Variants in TENM2 observed in about 807,000 individuals in gnomAD.
TENM2 encodes teneurin-2.
Under a neutral mutation model 245.2 loss-of-function variants are expected in TENM2, and 52 were observed. The observed-to-expected ratio is 0.21, with a 90% CI of 0.17 to 0.27. The LOEUF (loss-of-function observed/expected upper bound fraction) is 0.27. Ranked by LOEUF, TENM2 falls within the 10% of genes least tolerant of loss-of-function variation. The probability of loss-of-function intolerance (pLI) is 1.00; values close to 1 mark genes in which losing one functional copy is unlikely to be tolerated. For synonymous variants in TENM2, 1,363 were observed against 1,438.9 expected, an observed-to-expected ratio of 0.95 and a Z score of 1.19; for missense variants, 3,046 against 3,666.8, an observed-to-expected ratio of 0.83 and a Z score of 4.37.
Position 168,247,901 on chromosome 5 carries a change from A to G in TENM2, c.6962A>G (p.Tyr2321Cys), listed in dbSNP as rs766520823. Reference sequence around the variant, plus strand: ...ACCAACCTGGGCCACCACCTGCAGTACTTCTACTCTGACCTCCACAACCCG... The same window carrying G: ...ACCAACCTGGGCCACCACCTGCAGTGCTTCTACTCTGACCTCCACAACCCG... Residue 2321 changes from tyrosine to cysteine, a missense_variant, in exon 27 of 29, where the codon TAC (tyrosine) becomes TGC (cysteine). Transcript: ENST00000518659. This position sits in a 1 kb window ranked among gnomAD's most constrained non-coding sequence, Gnocchi z 7.8. 2 of 1,613,928 alleles carry G rather than the reference A, an allele frequency of 1.2e-6. No individual in the cohort carries two copies. Among genetic ancestry groups the G allele is most frequent in the South Asian group, 1.1e-5 (1 of 91,068 alleles).
chr5:168,243,937 G>GTTTT lies in TENM2; in HGVS notation c.5521-466_5521-463dup, dbSNP rs1170318631. 8.8e-5 allele frequency among the ~76,000 whole-genome samples: 11 copies of GTTTT among 125,512 alleles called. 1 individual carries two copies. Among genetic ancestry groups the GTTTT allele is most frequent in the African/African-American group, 1.5e-4 (5 of 33,948 alleles). 82.3% of individuals were successfully genotyped at this position (125,512 alleles called of 152,430 possible). A position where few individuals can be genotyped will look rare whatever the true frequency, so the allele number is the denominator to read the frequency against. On this transcript the variant is annotated intron_variant, in intron 25 of 28. Transcript: ENST00000518659. Reference sequence around the variant, plus strand: ...AAATACTACCATTTTCTTTTCTTTGGTTTTTTTTTTTTTTTTTTTTAAGAT... The same window carrying GTTTT: ...AAATACTACCATTTTCTTTTCTTTGGTTTTTTTTTTTTTTTTTTTTTTTTAAGAT...
chr5:168,014,655 G>T (rs954647098), intron 5 of TENM2, among the ~76,000 whole-genome samples: 7 of 152,176 alleles, frequency 4.6e-5, no homozygotes, highest in Non-Finnish European at 8.8e-5. Flanking sequence ...GGCCATCTGT[G>T]CAAAGTATTT....
intron 2 of TENM2, among the ~76,000 whole-genome samples, chr5:167,841,667 G>A (rs560460588): frequency 4.6e-5 from 7 of 152,192 alleles, no homozygotes; most frequent in South Asian, 2.1e-4. Context: ...GAAATTTAGC[G>A]CTGATATCCT....
chr5:167,662,217 A>G (rs1412289582), intron 2 of TENM2, among the ~76,000 whole-genome samples: 1 of 152,170 alleles, frequency 6.6e-6, no homozygotes, highest in Admixed American at 6.5e-5. Context: ...AAGGTAAACA[A>G]AAAGAGGAGA....
chr5:168,068,029 A>C (rs1790656977), intron 7 of TENM2, among the ~76,000 whole-genome samples: 2 of 152,114 alleles, frequency 1.3e-5, no homozygotes, highest in African/African-American at 4.8e-5. Flanking sequence ...AACTGGACTG[A>C]AAGTGCTTTT....
chr5:167,982,322 C>T (rs186262996), intron 4 of TENM2, among the ~76,000 whole-genome samples: 2 of 152,258 alleles, frequency 1.3e-5, no homozygotes, highest in Admixed American at 6.5e-5. Flanking sequence ...TTGGAAATTT[C>T]CTATGAGGAT....
At chr5:167,224,096 C>G in the TENM2 span, among the ~76,000 whole-genome samples, 1 of 151,976 alleles carries the variant, frequency 6.6e-6, no homozygotes, top group Non-Finnish European at 1.5e-5. Flanking sequence ...TATTCATTCC[C>G]TGTTGGATGA....
the TENM2 span, among the ~76,000 whole-genome samples, chr5:167,217,802 C>T: frequency 2.0e-5 from 3 of 150,270 alleles, no homozygotes; most frequent in Non-Finnish European, 4.4e-5. Flanking sequence ...AGAAGGTGGA[C>T]GAGCAGGTTT....
At chr5:168,024,040 G>A (rs1356230483) in intron 5 of TENM2, among the ~76,000 whole-genome samples, 1 of 152,172 alleles carries the variant, frequency 6.6e-6, no homozygotes, top group African/African-American at 2.4e-5. Context: ...GATGGATAGA[G>A]AGATGAATAG....
At chr5:167,653,275 A>C (rs1219118732) in intron 2 of TENM2, 1 of 152,108 alleles carries the variant, frequency 6.6e-6, no homozygotes, top group African/African-American at 2.4e-5. Context: ...TTTTTCTTAG[A>C]GATGGGGTCT....
At chr5:167,025,003 G>A in the TENM2 span, among the ~76,000 whole-genome samples, 1 of 152,216 alleles carries the variant, frequency 6.6e-6, no homozygotes, top group East Asian at 1.9e-4. Flanking sequence ...CACCCCCAAA[G>A]TGATTAAATT....
chr5:167,007,529 C>T, the TENM2 span, among the ~76,000 whole-genome samples: 87 of 152,304 alleles, frequency 5.7e-4, 1 homozygote, highest in Non-Finnish European at 8.8e-5. This position sits in a 1 kb window ranked among gnomAD's most constrained non-coding sequence, Gnocchi z 4.2. Context: ...TCAATCTTTC[C>T]CATCCCTGCT....
At chr5:167,030,090 G>A in the TENM2 span, among the ~76,000 whole-genome samples, 1 of 152,092 alleles carries the variant, frequency 6.6e-6, no homozygotes, top group Non-Finnish European at 1.5e-5. Context: ...CTAGGTAATC[G>A]CTGACAACGT....
At chr5:167,121,824 A>G in the TENM2 span, among the ~76,000 whole-genome samples, 1 of 152,218 alleles carries the variant, frequency 6.6e-6, no homozygotes, top group African/African-American at 2.4e-5. Context: ...GAAACCTGGA[A>G]TAAGTGTGTT....
intron 13 of TENM2, among the ~76,000 whole-genome samples, chr5:168,182,098 A>C (rs949167598): frequency 2.0e-5 from 3 of 152,194 alleles, no homozygotes; most frequent in Non-Finnish European, 4.4e-5. Context: ...CTTCCAAACG[A>C]GCATCCTGTC....
chr5:167,573,006 G>A (rs1774378491), intron 2 of TENM2, among the ~76,000 whole-genome samples: 1 of 151,926 alleles, frequency 6.6e-6, no homozygotes, highest in Non-Finnish European at 1.5e-5. Flanking sequence ...CTAATGAAGA[G>A]AAACACCGTT....
intron 5 of TENM2, among the ~76,000 whole-genome samples, chr5:168,038,892 G>C (rs1237314872): frequency 6.6e-6 from 1 of 152,152 alleles, no homozygotes; most frequent in African/African-American, 2.4e-5. Context: ...CCCAGTTTCA[G>C]GATGGCTGCC....
chr5:167,040,251 A>C, the TENM2 span, among the ~76,000 whole-genome samples: 2 of 152,022 alleles, frequency 1.3e-5, no homozygotes, highest in Non-Finnish European at 2.9e-5. Flanking sequence ...TTACAATTTC[A>C]GTGTAGTGCT....
At chr5:167,159,248 G>A in the TENM2 span, among the ~76,000 whole-genome samples, 1 of 151,536 alleles carries the variant, frequency 6.6e-6, no homozygotes, top group Non-Finnish European at 1.5e-5. Flanking sequence ...TGGCCCCATA[G>A]CAGTCTTTAA....
Sources: allele counts gnomAD v4.1 joint callset (sites outside exome capture counted in the v4.1 genomes callset), GRCh38; gene constraint gnomAD v4.1.1; non-coding constraint Gnocchi (gnomAD v3.1); transcripts MANE v1.5; gene names NCBI Gene and HGNC (gene_info 2026-07-23, HGNC 2026-07-21).